WASHC2C: variants seen among roughly 807,000 people sequenced by gnomAD.
The protein encoded by WASHC2C is Vaccinia Penetration Factor.
In WASHC2C, 73 loss-of-function variants were observed where a neutral mutation model predicts 142.2. The observed-to-expected ratio is 0.51, with a 90% CI of 0.43 to 0.62. The LOEUF (loss-of-function observed/expected upper bound fraction) is 0.62. Among genes scored for constraint, WASHC2C ranks in the 20% least tolerant of loss-of-function variants. WASHC2C has a pLI of 0.00. For missense variants in WASHC2C, 969 were observed against 1,531.7 expected, an observed-to-expected ratio of 0.63 and a Z score of 6.13; for synonymous variants, 337 against 565.5, an observed-to-expected ratio of 0.60 and a Z score of 5.73.
chr10:45,758,522 C>T (rs1226046445), intron 16 of WASHC2C, among the ~76,000 whole-genome samples: 1 of 152,054 alleles, frequency 6.6e-6, no homozygotes, highest in Non-Finnish European at 1.5e-5. Context: ...TTCTCTCCCC[C>T]TCCTTCCCCG....
At chr10:45,784,266 A>ATATG (rs2057780681) in intron 23 of WASHC2C, among the ~76,000 whole-genome samples, 1 of 5,204 alleles carries the variant, frequency 1.9e-4, no homozygotes, top group Non-Finnish European at 5.5e-4. Flanking sequence ...ATATATATAT[A>ATATG]TATATATATA....
chr10:45,755,437 A>G (rs1237993458), intron 15 of WASHC2C, among the ~76,000 whole-genome samples: 2 of 152,184 alleles, frequency 1.3e-5, no homozygotes, highest in African/African-American at 2.4e-5. Context: ...CCTTTCTTCC[A>G]GCCGACCTTA....
Position 45,792,437 on chromosome 10 carries a change from A to G in WASHC2C, c.*37A>G, listed in dbSNP as rs1157582361. On this transcript the variant is annotated 3_prime_UTR_variant, in exon 31 of 31. Transcript: ENST00000623400. ...TATCCACATGTTACCCTGCAGCTAC[A>G]TTGTTGAGTTAGTGATGATATTGTA... 9 of 1,561,900 alleles carry G rather than the reference A, an allele frequency of 5.8e-6. 1 individual carries two copies. The highest frequency in any genetic ancestry group is 4.5e-5 in the South Asian group (4 of 88,208).
Position 45,789,253 on chromosome 10 carries a change from A to G in WASHC2C, c.3470A>G (p.Asn1157Ser). 6.2e-7 allele frequency: 1 copy of G among 1,612,070 alleles called. No individual in the cohort carries two copies. Among genetic ancestry groups the G allele is most frequent in the Non-Finnish European group, 8.5e-7 (1 of 1,179,860 alleles). The change falls in exon 29 of 31, where the codon AAT (asparagine) becomes AGT (serine). Residue 1157 changes from asparagine to serine, a missense_variant. Transcript: ENST00000623400. Reference sequence around the variant, plus strand: ...AAACCCAAGGCAAAGATAGCAGAGAATCCTGCCAACCCACCAGTGGGTGGT... The same window carrying G: ...AAACCCAAGGCAAAGATAGCAGAGAGTCCTGCCAACCCACCAGTGGGTGGT... ...RTKPKAKIAE[N>S]PANPPVGGKA...
At chr10:45,785,687 A>T (rs782209822) in intron 26 of WASHC2C, 56 bp downstream of exon 26, 10 of 1,611,286 alleles carry the variant, frequency 6.2e-6, no homozygotes, top group Non-Finnish European at 8.5e-6. Context: ...GTACAGAGAA[A>T]TTCCATTATG....
At position 45,789,196 on chromosome 10, in the gene WASHC2C, C is replaced by T. The variant is rs1209283219; in HGVS notation, c.3413C>T (p.Thr1138Met). ...TTTGATTCTGGGGACATTTTTTCCA[C>T]GGGCACTGGATCTCAGTCCGTGGAG... ...DLFDSGDIFS[T>M]GTGSQSVERT... The change falls in exon 29 of 31, where the codon ACG becomes ATG. Residue 1138 changes from threonine (T) to methionine (M), a missense_variant. Transcript: ENST00000623400. 4.2e-4 allele frequency: 680 copies of T among 1,612,038 alleles called. 6 individuals are homozygous for T. In the East Asian group the frequency reaches 7.4e-3, roughly 18 times the overall value.
At chr10:45,736,200 T>C (rs1589588569) in intron 3 of WASHC2C, among the ~76,000 whole-genome samples, 3 of 150,504 alleles carry the variant, frequency 2.0e-5, no homozygotes, top group Admixed American at 6.6e-5. Flanking sequence ...GAGGTCAGAT[T>C]GAGACCATCC....
chr10:45,758,564 A>T (rs1245405072), intron 16 of WASHC2C, among the ~76,000 whole-genome samples: 2 of 147,552 alleles, frequency 1.4e-5, no homozygotes, highest in Non-Finnish European at 1.5e-5. Context: ...TCATGTATTC[A>T]TTCTTCAGTG....
chr10:45,728,866 T>C lies in WASHC2C; in HGVS notation c.131T>C (p.Leu44Pro), dbSNP rs1425291476. The C allele has an allele frequency of 4.3e-6, 7 of 1,613,222 alleles. No homozygotes were observed. Among genetic ancestry groups the C allele is most frequent in the Non-Finnish European group, 5.9e-6 (7 of 1,179,694 alleles). ...TATGTTTATTTTTTAAAATAGCTAC[T>C]ACAGTTTCTACAGGAATTCTCACAG... ...SWSLAADAGL[L>P]QFLQEFSQQT... The change falls in exon 3 of 31, where the codon CTA (leucine) becomes CCA (proline). Residue 44 changes from leucine to proline, a missense_variant. By Grantham distance (98) the Leu-to-Pro change is moderately conservative. Coordinates refer to ENST00000623400, the MANE Select transcript of WASHC2C (RefSeq NM_001330074.2).
At chr10:45,738,406 CA>C (rs2051552061) in intron 4 of WASHC2C, among the ~76,000 whole-genome samples, 1 of 150,150 alleles carries the variant, frequency 6.7e-6, no homozygotes, top group Non-Finnish European at 1.5e-5. Context: ...CACCAGAGCC[CA>C]AAACATAGCT....
At chr10:45,728,301 T>C (rs2050139075) in intron 2 of WASHC2C, among the ~76,000 whole-genome samples, 1 of 152,264 alleles carries the variant, frequency 6.6e-6, no homozygotes, top group African/African-American at 2.4e-5. Context: ...AAGTGTTGGA[T>C]TACAAGCGTG....
intron 2 of WASHC2C, among the ~76,000 whole-genome samples, chr10:45,728,321 A>G (rs1312540101): frequency 1.3e-5 from 2 of 152,078 alleles, no homozygotes; most frequent in African/African-American, 4.8e-5. Flanking sequence ...GAGCCACCAT[A>G]CCCAGTGCCA....
rs1554877642 is a variant in WASHC2C at position 45,757,118 on chromosome 10, T to G, written c.1527T>G (p.Asn509Lys). ...PEATVSQTDE[N>K]KARAEKKVTL... is the part of the protein sequence containing the mutation. Reference sequence around the variant, plus strand: ...CCACTGTGAGTCAGACAGATGAAAATAAAGCAAGAGCAGAAAAAAAGGTGA... The same window carrying G: ...CCACTGTGAGTCAGACAGATGAAAAGAAAGCAAGAGCAGAAAAAAAGGTGA... The change falls in exon 16 of 31, where the codon AAT becomes AAG. Residue 509 changes from asparagine to lysine, a missense_variant. Coordinates refer to ENST00000623400, the MANE Select transcript of WASHC2C (RefSeq NM_001330074.2). The G allele has an allele frequency of 6.2e-7, 1 of 1,603,906 alleles. No homozygotes were observed. Among genetic ancestry groups the G allele is most frequent in the East Asian group, 2.2e-5 (1 of 44,784 alleles).
At chr10:45,786,913 C>T in intron 27 of WASHC2C, 122 bp from the exon 28 acceptor site, 2 of 1,607,856 alleles carry the variant, frequency 1.2e-6, no homozygotes, top group Non-Finnish European at 1.7e-6. Flanking sequence ...GGCGATTTTC[C>T]TACGTTTCTC....
intron 8 of WASHC2C, among the ~76,000 whole-genome samples, chr10:45,749,157 A>G (rs2053219684): frequency 6.6e-6 from 1 of 151,998 alleles, no homozygotes; most frequent in Admixed American, 6.6e-5. Context: ...TCACGCCTGT[A>G]ATCCCAGTGC....
intron 3 of WASHC2C, among the ~76,000 whole-genome samples, chr10:45,736,842 C>T (rs1467998133): frequency 6.6e-6 from 1 of 151,742 alleles, no homozygotes; most frequent in South Asian, 2.1e-4. Context: ...AAAATTCAGT[C>T]CTTTAAAAAG....
intron 13 of WASHC2C, among the ~76,000 whole-genome samples, chr10:45,753,901 T>A (rs2053915140): frequency 6.6e-6 from 1 of 151,476 alleles, no homozygotes; most frequent in Admixed American, 6.6e-5. Context: ...GACTTGGGAA[T>A]TAGTGATTCT....
rs369687370 is a variant in WASHC2C at position 45,777,302 on chromosome 10, T to G, written c.2172T>G (p.Pro724=). Reference sequence around the variant, plus strand: ...AAGAGACTGTCTCTGAGGCACCACCTTTGCTGTTCAGCGATGAAGAAGAGA... The same window carrying G: ...AAGAGACTGTCTCTGAGGCACCACCGTTGCTGTTCAGCGATGAAGAAGAGA... ...KKKETVSEAP[P]LLFSDEEEKE... is the part of the protein sequence containing the mutation. The change falls in exon 22 of 31, where the codon CCT becomes CCG. Residue 724 remains proline, a synonymous_variant. Transcript: ENST00000623400. 587 of 1,602,398 alleles carry G rather than the reference T, an allele frequency of 3.7e-4. 1 individual carries two copies. Among genetic ancestry groups the G allele is most frequent in the Non-Finnish European group, 4.7e-4 (549 of 1,173,326 alleles).
At chr10:45,747,520 T>C (rs1554871707) in intron 8 of WASHC2C, among the ~76,000 whole-genome samples, 3 of 152,234 alleles carry the variant, frequency 2.0e-5, no homozygotes, top group African/African-American at 7.2e-5. Context: ...GATACTGTCA[T>C]AGTCTCTAAA....
Sources: gnomAD v4.1 joint callset for allele counts (sites outside exome capture counted in the v4.1 genomes callset) on GRCh38, gnomAD v4.1.1 for gene constraint, MANE v1.5 for transcripts, NCBI Gene and HGNC (gene_info 2026-07-23, HGNC 2026-07-21) for gene names.